Variants in BAIAP3 observed in about 807,000 individuals in gnomAD.
BAIAP3 encodes BAI1-associated protein 3.
BAIAP3 carries 180 observed loss-of-function variants against 149.7 expected under a neutral mutation model. The observed-to-expected ratio is 1.20, with a 90% CI of 1.07 to 1.36. The LOEUF is 1.36. Ranked by LOEUF, BAIAP3 falls within the 40% of genes most tolerant of loss-of-function variation. The pLI, the probability that BAIAP3 is intolerant of heterozygous loss-of-function variation, is 0.00. For missense variants in BAIAP3, 1,767 were observed against 1,563.4 expected (o/e 1.13, Z -2.20); for synonymous variants, 845 against 670.7 (o/e 1.26, Z -4.02).
chr16:1,344,494 G>A lies in BAIAP3; in HGVS notation c.1628G>A (p.Arg543Lys), dbSNP rs1340762975. 5 of 1,613,384 alleles carry A rather than the reference G, an allele frequency of 3.1e-6. No individual in the cohort carries two copies. Among genetic ancestry groups the A allele is most frequent in the South Asian group, 1.1e-5 (1 of 91,070 alleles). The change falls in exon 18 of 34, where the codon AGG (arginine) becomes AAG (lysine). Residue 543 changes from arginine to lysine, a missense_variant. Arg to Lys is a conservative substitution (Grantham distance 26). Transcript: ENST00000426824. ...AGAGGCAACCGTGAGTGGTACGACA[G>A]GATCCTGAATGACAAGAGTCCCCGA... ...LKRGNREWYDRILNDKSPREQ... is the reference protein window; with the variant it reads ...LKRGNREWYDKILNDKSPREQ...
chr16:1,344,017 C>T lies in BAIAP3; in HGVS notation c.1387-5C>T, dbSNP rs367834190. On this transcript the variant is annotated splice_region_variant and splice_polypyrimidine_tract_variant and intron_variant, in intron 15 of 33. Coordinates refer to ENST00000426824, the MANE Select transcript of BAIAP3 (RefSeq NM_001199097.2). ...TGCTGGCACTGAAGGGCCCTGTCCCCACAGGAGGAGAGCCTGGCTGATAGC... is the reference window on the plus strand; with the variant it reads ...TGCTGGCACTGAAGGGCCCTGTCCCTACAGGAGGAGAGCCTGGCTGATAGC... 1 of 1,612,140 alleles carries T rather than the reference C, an allele frequency of 6.2e-7. No homozygotes were observed. Among genetic ancestry groups the T allele is most frequent in the Non-Finnish European group, 8.5e-7 (1 of 1,179,876 alleles).
In BAIAP3 at chr16:1,349,130, G is replaced by C. The variant is rs137898398; in HGVS notation, c.*648G>C. On this transcript the variant is annotated 3_prime_UTR_variant, in exon 34 of 34. Transcript: ENST00000426824. ...TGCCAACTGGTCAGCTGTCCTTCAC[G>C]CACATATCCGTGGCCACCTGAGACC... The C allele has an allele frequency of 7.0e-6, 3 of 430,948 alleles. No individual in the cohort carries two copies. The East Asian group carries it at 1.5e-4, about 22-fold the overall frequency. 26.7% of individuals were successfully genotyped at this position (430,948 alleles called of 1,614,324 possible).
Position 1,341,146 on chromosome 16 carries a change from G to A in BAIAP3, c.486G>A (p.Leu162=). The change falls in exon 7 of 34, where the codon CTG becomes CTA. Residue 162 remains leucine, a synonymous_variant. Coordinates refer to ENST00000426824, the MANE Select transcript of BAIAP3 (RefSeq NM_001199097.2). ...GTCCACAGGCCCCCACGTATGCCCT[G>A]AAAGTCTCTGTCATGCGTGCCAAGA... ...VRKAKAPTYA[L]KVSVMRAKNL... 6.2e-7 allele frequency: 1 copy of A among 1,612,722 alleles called. No homozygotes were observed. The highest frequency in any genetic ancestry group is 8.5e-7 in the Non-Finnish European group (1 of 1,179,820).
At chr16:1,343,194 TA>T (rs2034053203) in intron 14 of BAIAP3, 178 bp downstream of exon 14, 5 of 1,058,936 alleles carry the variant, frequency 4.7e-6, no homozygotes, top group Non-Finnish European at 6.8e-6. Context: ...GTGCTACGGG[TA>T]GGTGAGGCAG....
At position 1,347,965 on chromosome 16, in the gene BAIAP3, A is replaced by C; in HGVS notation, c.3097A>C (p.Thr1033Pro). ...HLFPLVRSQRTQVKTRTLHPV... is the reference protein window; with the variant it reads ...HLFPLVRSQRPQVKTRTLHPV... The stretch of plus-strand genomic sequence containing the variant: ...CTTTCCACTGGTCCGCAGCCAGAGG[A>C]CCCAGGTGAAGACCCGGACGCTGCA... Residue 1033 changes from threonine to proline, a missense_variant, in exon 32 of 34, where the codon ACC (threonine) becomes CCC (proline). Thr to Pro is a conservative substitution (Grantham distance 38, BLOSUM62 -1). Coordinates refer to ENST00000426824, the MANE Select transcript of BAIAP3 (RefSeq NM_001199097.2). The C allele has an allele frequency of 6.2e-7, 1 of 1,611,772 alleles. No homozygotes were observed. The highest frequency in any genetic ancestry group is 1.1e-5 in the South Asian group (1 of 91,082).
Position 1,344,838 on chromosome 16 carries a change from C to T in BAIAP3, c.1798C>T (p.Leu600=). 1 of 1,613,810 alleles carries T rather than the reference C, an allele frequency of 6.2e-7. No homozygotes were observed. The highest frequency in any genetic ancestry group is 1.1e-5 in the South Asian group (1 of 91,090). ...VDVFTLTFRQ[L]ERLVAEEAWV... ...CGTCTTCACCCTGACCTTCCGGCAG[C>T]TGGAGCGTCTGGTGAGGAGGGTCCC... The change falls in exon 20 of 34, where the codon CTG becomes TTG. Residue 600 remains leucine (L), a synonymous_variant. Transcript: ENST00000426824.
Position 1,348,566 on chromosome 16 carries a change from A to C in BAIAP3, c.*84A>C, listed in dbSNP as rs1308154695. Reference sequence around the variant, plus strand: ...CAGCTCACTGTGGCCAGCTTTGTGCAACCAGGGCCCACGGCGCCCCTCCTG... The same window carrying C: ...CAGCTCACTGTGGCCAGCTTTGTGCCACCAGGGCCCACGGCGCCCCTCCTG... On this transcript the variant is annotated 3_prime_UTR_variant, in exon 34 of 34. Transcript: ENST00000426824. The C allele has an allele frequency of 7.3e-7, 1 of 1,369,302 alleles. No individual in the cohort carries two copies. Among genetic ancestry groups the C allele is most frequent in the Non-Finnish European group, 1.0e-6 (1 of 987,314 alleles). The allele number at this position is 1,369,302 out of a possible 1,614,324, so 84.8% of individuals were successfully genotyped here.
chr16:1,344,969 G>A lies in BAIAP3; in HGVS notation c.1810G>A (p.Val604Met), dbSNP rs201277589. The change falls in exon 21 of 34, where the codon GTG becomes ATG. Residue 604 changes from valine (V) to methionine (M), a missense_variant and splice_region_variant. Physicochemically the swap from Val to Met is conservative, Grantham distance 21 (BLOSUM62 1). Transcript: ENST00000426824. ...GGCCTGATCCTGCTGTCCCGGACAG[G>A]TGGCTGAGGAGGCGTGGGTGCTGAC... Reference protein sequence around the residue: ...TLTFRQLERLVAEEAWVLTEE... With the variant: ...TLTFRQLERLMAEEAWVLTEE... 1.6e-4 allele frequency: 251 copies of A among 1,613,302 alleles called. No individual in the cohort carries two copies. In the Admixed American group the frequency reaches 4.1e-3, roughly 26 times the overall value.
intron 14 of BAIAP3, 56 bp from the exon 15 acceptor site, chr16:1,343,337 A>G: frequency 1.3e-6 from 2 of 1,558,988 alleles, no homozygotes; most frequent in Middle Eastern, 2.3e-4. Context: ...GGCGGTGCTG[A>G]GTGGGCATGG....
rs1259726742 is a variant in BAIAP3 at position 1,341,425 on chromosome 16, T to C, written c.667T>C (p.Cys223Arg). Residue 223 changes from cysteine to arginine, a missense_variant, in exon 8 of 34, where the codon TGC (cysteine) becomes CGC (arginine). Physicochemically the swap from Cys to Arg is radical, Grantham distance 180. Coordinates refer to ENST00000426824, the MANE Select transcript of BAIAP3 (RefSeq NM_001199097.2). ...GCGCGGTGGACCCCTGCCTGCCAAG[T>C]GCATCCAGGTCACCGAGGTGAAGAG... ...SKRGGPLPAKCIQVTEVKSST... is the reference protein window; with the variant it reads ...SKRGGPLPAKRIQVTEVKSST... 6.2e-7 allele frequency: 1 copy of C among 1,612,494 alleles called. No homozygotes were observed.
chr16:1,343,753 C>T (rs1015208727), intron 15 of BAIAP3, among the ~76,000 whole-genome samples: 1 of 152,206 alleles, frequency 6.6e-6, no homozygotes, highest in African/African-American at 2.4e-5. Context: ...GCCAAGGTGG[C>T]GCCCATCTGA....
intron 28 of BAIAP3, 68 bp downstream of exon 28, chr16:1,347,023 T>C (rs2034424564): frequency 7.1e-7 from 1 of 1,415,196 alleles, no homozygotes; most frequent in African/African-American, 1.4e-5. Flanking sequence ...CCTCCCTTTG[T>C]CCCCACTGGC....
chr16:1,346,061 G>A lies in BAIAP3; in HGVS notation c.2284G>A (p.Glu762Lys). The A allele has an allele frequency of 6.2e-7, 1 of 1,611,372 alleles. No homozygotes were observed. The highest frequency in any genetic ancestry group is 8.5e-7 in the Non-Finnish European group (1 of 1,179,484). ...GGACACTCAGCCAGGGGCGGCCGGT[G>A]AAGCAGTGAGCGAGGCGGTGAGTGA... ...KVDTQPGAAG[E>K]AVSEALCVVL... The change falls in exon 24 of 34, where the codon GAA becomes AAA. Residue 762 changes from glutamate to lysine, a missense_variant. Glu to Lys is a moderately conservative substitution (Grantham distance 56). Coordinates refer to ENST00000426824, the MANE Select transcript of BAIAP3 (RefSeq NM_001199097.2).
chr16:1,344,873 G>C (rs767710387), intron 20 of BAIAP3, 24 bp downstream of exon 20: 64 of 1,613,580 alleles, frequency 4.0e-5, no homozygotes, highest in Admixed American at 1.7e-5. Context: ...CTGACCCCGG[G>C]TGCCTGCCAG....
chr16:1,335,909 G>A (rs996368857), intron 1 of BAIAP3, among the ~76,000 whole-genome samples: 1 of 152,210 alleles, frequency 6.6e-6, no homozygotes, highest in Non-Finnish European at 1.5e-5. Context: ...TCCCAGCCCT[G>A]CGCCTCCGTT....
In BAIAP3 at chr16:1,348,523, G is replaced by C; in HGVS notation, c.*41G>C. The C allele has an allele frequency of 6.4e-7, 1 of 1,552,258 alleles. No homozygotes were observed. On this transcript the variant is annotated 3_prime_UTR_variant, in exon 34 of 34. Coordinates refer to ENST00000426824, the MANE Select transcript of BAIAP3 (RefSeq NM_001199097.2). ...GCCCCGGCCCTGGCCCCCACCCCAA[G>C]TTCCCTGAAGCATCCTCCAGCTCAC...
At chr16:1,337,078 G>T (rs1422313875) in intron 1 of BAIAP3, among the ~76,000 whole-genome samples, 1 of 152,164 alleles carries the variant, frequency 6.6e-6, no homozygotes. Context: ...TGGGGCTGCT[G>T]GGGGGCAGAG....
Position 1,345,822 on chromosome 16 carries a change from G to T in BAIAP3, c.2140G>T (p.Glu714Ter). Residue 714 changes from glutamate to a stop codon, truncating the protein, a stop_gained, in exon 23 of 34, where the codon GAG becomes TAG. Coordinates refer to ENST00000426824, the MANE Select transcript of BAIAP3 (RefSeq NM_001199097.2). LOFTEE classifies it high-confidence loss of function. ...TAGLCLSHIQ[E>*]LWVRLAWPDP... is the part of the protein sequence containing the mutation. Reference sequence around the variant, plus strand: ...TGGTCTCTGCCTCAGCCACATCCAGGAGTTGTGGGTGCGCCTGGCGTGGCC... The same window carrying T: ...TGGTCTCTGCCTCAGCCACATCCAGTAGTTGTGGGTGCGCCTGGCGTGGCC... The T allele has an allele frequency of 6.3e-7, 1 of 1,581,350 alleles. No individual in the cohort carries two copies. Among genetic ancestry groups the T allele is most frequent in the Non-Finnish European group, 8.6e-7 (1 of 1,166,588 alleles).
At chr16:1,339,845 C>G (rs1429785308) in intron 5 of BAIAP3, among the ~76,000 whole-genome samples, 2 of 145,628 alleles carry the variant, frequency 1.4e-5, no homozygotes, top group Non-Finnish European at 3.0e-5. Flanking sequence ...CACACAGACA[C>G]ACGCACACAG....
Sources: allele counts gnomAD v4.1 joint callset (sites outside exome capture counted in the v4.1 genomes callset), GRCh38; gene constraint gnomAD v4.1.1; transcripts MANE v1.5; gene names NCBI Gene and HGNC (gene_info 2026-07-23, HGNC 2026-07-21).